PARPBP: variants seen among roughly 807,000 people sequenced by gnomAD.
PARPBP encodes PCNA-interacting partner.
Under a neutral mutation model 50.0 loss-of-function variants are expected in PARPBP, and 52 were observed. The observed-to-expected ratio is 1.04, with a 90% CI of 0.83 to 1.31. The LOEUF is 1.31. PARPBP is among the 50% of genes most tolerant of loss of function. The pLI is 0.00. For synonymous variants in PARPBP, 244 were observed against 232.1 expected, an observed-to-expected ratio of 1.05 and a Z score of -0.47; for missense variants, 697 against 672.0, an observed-to-expected ratio of 1.04 and a Z score of -0.41.
At chr12:102,147,996 CAT>C (rs1469004805) in intron 2 of PARPBP, among the ~76,000 whole-genome samples, 1 of 152,090 alleles carries the variant, frequency 6.6e-6, no homozygotes, top group Non-Finnish European at 1.5e-5. Context: ...CCAGTTTTAT[CAT>C]GTGCAAACTT....
At chr12:102,186,765 G>A (rs975917734) in intron 9 of PARPBP, among the ~76,000 whole-genome samples, 2 of 152,060 alleles carry the variant, frequency 1.3e-5, no homozygotes, top group Non-Finnish European at 2.9e-5. Flanking sequence ...AATGTTTATA[G>A]CATATTATAT....
At chr12:102,121,054 T>A (rs1880979210) in intron 1 of PARPBP, among the ~76,000 whole-genome samples, 1 of 152,144 alleles carries the variant, frequency 6.6e-6, no homozygotes. Flanking sequence ...CCATTCAGAG[T>A]GCTTGCATAT....
At chr12:102,146,371 A>T (rs1885354718) in intron 2 of PARPBP, among the ~76,000 whole-genome samples, 1 of 152,208 alleles carries the variant, frequency 6.6e-6, no homozygotes, top group South Asian at 2.1e-4. Context: ...AAACAGAGAT[A>T]TAGATCAATG....
At chr12:102,152,574 A>G (rs1365410311) in intron 3 of PARPBP, among the ~76,000 whole-genome samples, 1 of 152,192 alleles carries the variant, frequency 6.6e-6, no homozygotes, top group African/African-American at 2.4e-5. Flanking sequence ...TAAGCTGACA[A>G]TTCAAGTTGT....
At chr12:102,137,612 G>A (rs190919981) in intron 2 of PARPBP, among the ~76,000 whole-genome samples, 9 of 151,722 alleles carry the variant, frequency 5.9e-5, no homozygotes, top group Admixed American at 2.0e-4. Flanking sequence ...CCATTAACTC[G>A]TCATTTACAT....
At chr12:102,193,306 A>G (rs1005089028) in intron 9 of PARPBP, among the ~76,000 whole-genome samples, 1 of 151,954 alleles carries the variant, frequency 6.6e-6, no homozygotes, top group Non-Finnish European at 1.5e-5. Flanking sequence ...TTGAAGAAAC[A>G]TTAGTTTTCT....
rs752736445 is a variant in PARPBP, at chr12:102,165,894, T to C, written c.821+11T>C. ...AATACCAAACCCAAGGTAATGACTT[T>C]TCATATATTACAAATATGTTTTTAA... On this transcript the variant is annotated intron_variant, in intron 6 of 10. Transcript: ENST00000327680. 7.5e-6 allele frequency: 11 copies of C among 1,459,586 alleles called. No homozygotes were observed. The highest frequency in any genetic ancestry group is 1.9e-5 in the Admixed American group (1 of 52,856). 90.4% of individuals were successfully genotyped at this position (1,459,586 alleles called of 1,614,324 possible).
At position 102,148,306 on chromosome 12, in the gene PARPBP, T is replaced by C. The variant is rs758505900; in HGVS notation, c.230T>C (p.Leu77Ser). 5.6e-6 allele frequency: 9 copies of C among 1,608,094 alleles called. No individual in the cohort carries two copies. Among genetic ancestry groups the C allele is most frequent in the Non-Finnish European group, 7.7e-6 (9 of 1,175,090 alleles). ...TACTTGCTCCATGAGAAATTGAACT[T>C]ACCAGTTGAAAACATGGACGTGACT... ...WKYLLHEKLN[L>S]PVENMDVTDH... The change falls in exon 3 of 11, where the codon TTA (leucine) becomes TCA (serine). Residue 77 changes from leucine to serine, a missense_variant. Leu to Ser is a moderately radical substitution (Grantham distance 145, BLOSUM62 -2). Coordinates refer to ENST00000327680, the MANE Select transcript of PARPBP (RefSeq NM_017915.5).
intron 6 of PARPBP, among the ~76,000 whole-genome samples, chr12:102,174,058 C>T (rs1415807729): frequency 6.6e-6 from 1 of 151,574 alleles, no homozygotes; most frequent in Non-Finnish European, 1.5e-5. Flanking sequence ...ATTCAACAAA[C>T]ATACATCAAT....
intron 6 of PARPBP, among the ~76,000 whole-genome samples, chr12:102,170,427 C>T (rs563335019): frequency 6.6e-6 from 1 of 152,224 alleles, no homozygotes; most frequent in Non-Finnish European, 1.5e-5. Context: ...GGCTACAAAC[C>T]TGTATGGCCT....
Position 102,148,230 on chromosome 12 carries a change from C to T in PARPBP, c.154C>T (p.His52Tyr), listed in dbSNP as rs1423646166. 1.4e-6 allele frequency: 2 copies of T among 1,393,096 alleles called. No individual in the cohort carries two copies. The highest frequency in any genetic ancestry group is 9.9e-7 in the Non-Finnish European group (1 of 1,014,092). 86.3% of individuals were successfully genotyped at this position (1,393,096 alleles called of 1,614,324 possible). A position where few individuals can be genotyped will look rare whatever the true frequency, so the allele number is the denominator to read the frequency against. ...QLSMAENNKQ[H>Y]SGEFTVSLSD... Reference sequence around the variant, plus strand: ...TTTTTTTTGGCATTATCTTTTTCAGCACAGTGGAGAATTTACAGTCTCTCT... The same window carrying T: ...TTTTTTTTGGCATTATCTTTTTCAGTACAGTGGAGAATTTACAGTCTCTCT... Residue 52 changes from histidine to tyrosine, a missense_variant and splice_region_variant, in exon 3 of 11, where the codon CAC becomes TAC. Physicochemically the swap from His to Tyr is moderately conservative, Grantham distance 83. Coordinates refer to ENST00000327680, the MANE Select transcript of PARPBP (RefSeq NM_017915.5).
chr12:102,188,722 A>G (rs2137243006), intron 9 of PARPBP, among the ~76,000 whole-genome samples: 1 of 152,310 alleles, frequency 6.6e-6, no homozygotes, highest in South Asian at 2.1e-4. Flanking sequence ...AATGATCCAG[A>G]TACTGAAATT....
rs767589093 is a variant in PARPBP at position 102,196,046 on chromosome 12, T to C, written c.1495T>C (p.Ser499Pro). Residue 499 changes from serine to proline, a missense_variant, in exon 11 of 11, where the codon TCA becomes CCA. Ser to Pro is a moderately conservative substitution (Grantham distance 74). Coordinates refer to ENST00000327680, the MANE Select transcript of PARPBP (RefSeq NM_017915.5). ...TAAAAATGAAAAAGTATCAAGAAAATCAACCAGTCAGACAGGAAATAAAAG... is the reference window on the plus strand; with the variant it reads ...TAAAAATGAAAAAGTATCAAGAAAACCAACCAGTCAGACAGGAAATAAAAG... The part of the protein sequence containing the change: ...RSKNEKVSRK[S>P]TSQTGNKSSK... 12 of 1,611,310 alleles carry C rather than the reference T, an allele frequency of 7.4e-6. No homozygotes were observed. In the South Asian group the frequency reaches 1.3e-4, roughly 18 times the overall value.
chr12:102,181,461 A>G (rs1174352484), intron 8 of PARPBP, among the ~76,000 whole-genome samples: 1 of 152,204 alleles, frequency 6.6e-6, no homozygotes, highest in African/African-American at 2.4e-5. Flanking sequence ...CACCTAGGCT[A>G]CAAACCTGTA....
chr12:102,142,223 C>T (rs868633123), intron 2 of PARPBP, among the ~76,000 whole-genome samples: 18 of 152,150 alleles, frequency 1.2e-4, no homozygotes, highest in Admixed American at 5.9e-4. Flanking sequence ...CTTCTCGCTT[C>T]ATTTCATTAA....
chr12:102,155,579 C>T lies in PARPBP; in HGVS notation c.495+1603C>T, dbSNP rs557328584. 4.8e-4 allele frequency among the ~76,000 whole-genome samples: 36 copies of T among 74,514 alleles called. No homozygotes were observed. The South Asian group carries it at 0.012, about 26-fold the overall frequency. The allele number at this position is 74,514 out of a possible 152,430, so 48.9% of individuals were successfully genotyped here. On this transcript the variant is annotated intron_variant, in intron 4 of 10. Transcript: ENST00000327680. ...GGTAAAGAAATAGCCAATCATCTAT[C>T]GCCTGAGAGCATGGTGGGGGGGGGG... is the stretch of plus-strand genomic sequence containing the variant.
rs1891197467 is a variant in PARPBP at position 102,195,352 on chromosome 12, A to G, written c.1304A>G (p.Tyr435Cys). The part of the protein sequence containing the change: ...TLIRSQFACT[Y>C]KDDYMISKDN... ...ATTAGATCCCAATTTGCTTGTACTT[A>G]TAAAGATGACTACATGATAAGCAAG... Residue 435 changes from tyrosine (Y) to cysteine (C), a missense_variant, in exon 10 of 11, where the codon TAT (tyrosine) becomes TGT (cysteine). By Grantham distance (194) the Tyr-to-Cys change is radical. Transcript: ENST00000327680. 1 of 1,584,906 alleles carries G rather than the reference A, an allele frequency of 6.3e-7. No homozygotes were observed. The highest frequency in any genetic ancestry group is 1.4e-5 in the African/African-American group (1 of 74,006).
In PARPBP at chr12:102,173,097, A is replaced by G. The variant is rs1888911145; in HGVS notation, c.822-2386A>G. On this transcript the variant is annotated intron_variant, in intron 6 of 10. Coordinates refer to ENST00000327680, the MANE Select transcript of PARPBP (RefSeq NM_017915.5). ...TGGTAAGTAGGCAAATGTAATGAAA[A>G]TATAGGTCAAAAATAGGTGAAGGAG... 2.0e-5 allele frequency among the ~76,000 whole-genome samples: 3 copies of G among 152,202 alleles called. No individual in the cohort carries two copies. In the South Asian group the frequency reaches 6.2e-4, roughly 32 times the overall value.
intron 4 of PARPBP, chr12:102,155,349 C>T (rs1242141025): frequency 6.6e-6 from 1 of 152,268 alleles, no homozygotes; most frequent in Non-Finnish European, 1.5e-5. Context: ...ACCTTGGGCA[C>T]ATGTTCTCAG....
Sources: allele counts gnomAD v4.1 joint callset (sites outside exome capture counted in the v4.1 genomes callset), GRCh38; gene constraint gnomAD v4.1.1; transcripts MANE v1.5; gene names NCBI Gene and HGNC (gene_info 2026-07-23, HGNC 2026-07-21).